Variants in PPFIBP2 observed in about 807,000 individuals in gnomAD.
PPFIBP2 encodes the protein liprin-beta-2.
A neutral mutation model predicts 118.3 loss-of-function variants in PPFIBP2; 118 were observed. That is an observed-to-expected ratio of 1.00 (90% confidence interval 0.86 to 1.16). The LOEUF is 1.16. PPFIBP2 is among the 50% of genes most tolerant of loss of function. The pLI is 0.00. For synonymous variants in PPFIBP2, 414 were observed against 397.4 expected, an observed-to-expected ratio of 1.04 and a Z score of -0.50; for missense variants, 1,195 against 1,073.1, an observed-to-expected ratio of 1.11 and a Z score of -1.59.
chr11:7,542,311 G>C (rs1851873891), intron 1 of PPFIBP2, among the ~76,000 whole-genome samples: 1 of 152,182 alleles, frequency 6.6e-6, no homozygotes, highest in Admixed American at 6.5e-5. Context: ...CCAATATATG[G>C]TAACTAAAGA....
rs1848667701 is a variant in PPFIBP2, at chr11:7,616,507, TGGTAGACCA to T, written c.619-4423_619-4415del. Among the ~76,000 whole-genome samples, 1 of 152,200 alleles carries T rather than the reference TGGTAGACCA, an allele frequency of 6.6e-6. No individual in the cohort carries two copies. The highest frequency in any genetic ancestry group is 2.1e-4 in the South Asian group (1 of 4,828). On this transcript the variant is annotated intron_variant, in intron 6 of 23. Coordinates refer to ENST00000299492, the MANE Select transcript of PPFIBP2 (RefSeq NM_003621.5). The surrounding 1 kb of genome is among the most constrained non-coding windows in gnomAD (Gnocchi z 5.2). ...TCGGTTTGGCCGGGAATGTGTCGTG[TGGTAGACCA>T]GGTAAATCCACATTTCAGTGAAGTG...
chr11:7,643,877 A>G (rs1852586817), intron 17 of PPFIBP2, among the ~76,000 whole-genome samples: 1 of 152,124 alleles, frequency 6.6e-6, no homozygotes, highest in African/African-American at 2.4e-5. Context: ...CAGATTATGG[A>G]TGAACACATT....
the PPFIBP2 span, among the ~76,000 whole-genome samples, chr11:7,663,760 T>C: frequency 1.7e-4 from 26 of 152,316 alleles, no homozygotes; most frequent in Non-Finnish European, 3.1e-4. Flanking sequence ...GCTGCTGCCT[T>C]GCAGTTTGAT....
chr11:7,650,706 G>T (rs987928530), intron 21 of PPFIBP2, 134 bp from the exon 22 acceptor site: 12 of 835,278 alleles, frequency 1.4e-5, no homozygotes, highest in Non-Finnish European at 2.1e-5. Flanking sequence ...CAGATGGGGT[G>T]GGTCACTAAG....
chr11:7,552,758 C>T (rs1301363128), intron 2 of PPFIBP2, among the ~76,000 whole-genome samples: 1 of 152,096 alleles, frequency 6.6e-6, no homozygotes, highest in African/African-American at 2.4e-5. Context: ...GAGCTTGCCC[C>T]CCCCTCTCCT....
Position 7,531,777 on chromosome 11 carries a change from G to T in PPFIBP2, c.-37+17656G>T, listed in dbSNP as rs760367154. Among the ~76,000 whole-genome samples, 8 of 152,232 alleles carry T rather than the reference G, an allele frequency of 5.3e-5. No individual in the cohort carries two copies. In the East Asian group the frequency reaches 1.5e-3, roughly 29 times the overall value. ...TGGAGGCCAGAACTCTAAGATCAGG[G>T]TGTTGGCAGGGTTGGTTTCTTTTGG... On this transcript the variant is annotated intron_variant, in intron 1 of 23. Coordinates refer to ENST00000299492, the MANE Select transcript of PPFIBP2 (RefSeq NM_003621.5).
At chr11:7,546,611 A>G (rs934428800) in intron 1 of PPFIBP2, among the ~76,000 whole-genome samples, 2 of 152,192 alleles carry the variant, frequency 1.3e-5, no homozygotes, top group Non-Finnish European at 2.9e-5. Flanking sequence ...GGCTCCTCTC[A>G]TGCATTGCCC....
At chr11:7,606,271 A>G (rs949650034) in intron 5 of PPFIBP2, among the ~76,000 whole-genome samples, 2 of 152,236 alleles carry the variant, frequency 1.3e-5, no homozygotes, top group Non-Finnish European at 2.9e-5. Flanking sequence ...TTGAAAAAAC[A>G]TGATTCACTT....
chr11:7,666,301 T>G, the PPFIBP2 span: 1 of 617,914 alleles, frequency 1.6e-6, no homozygotes, highest in African/African-American at 1.9e-5. Flanking sequence ...CCTCAATTTC[T>G]CACATTTCCC....
intron 2 of PPFIBP2, 70 bp downstream of exon 2, chr11:7,549,609 C>CTTTT (rs386373033): frequency 0.012 from 13,664 of 1,138,204 alleles, 11 homozygotes; most frequent in African/African-American, 0.014. Flanking sequence ...TCTCCTTTTA[C>CTTTT]TTTTTTTTTT....
chr11:7,656,772 G>A, downstream of PPFIBP2: 1 of 1,289,834 alleles, frequency 7.8e-7, no homozygotes. Flanking sequence ...TCGCCTGCCT[G>A]CCCCCAACTC....
intron 1 of PPFIBP2, among the ~76,000 whole-genome samples, chr11:7,525,904 A>T (rs1850188317): frequency 6.6e-6 from 1 of 152,168 alleles, no homozygotes; most frequent in Non-Finnish European, 1.5e-5. Flanking sequence ...AGTCAGGAAG[A>T]TATAGGGGAA....
chr11:7,634,496 G>C lies in PPFIBP2; in HGVS notation c.1138G>C (p.Ala380Pro), dbSNP rs1439686672. ...PLPQKSLETR[A>P]QKKLSCSLED... ...TTCTTTCTTTTGTGTTTTTTTCAGG[G>C]CTCAGAAAAAGCTCTCTTGTAGTCT... is the stretch of plus-strand genomic sequence containing the variant. The change falls in exon 13 of 24, where the codon GCT (alanine) becomes CCT (proline). Residue 380 changes from alanine (A) to proline (P), a missense_variant and splice_region_variant. By Grantham distance (27) the Ala-to-Pro change is conservative (BLOSUM62 -1). Transcript: ENST00000299492. 6.2e-7 allele frequency: 1 copy of C among 1,610,936 alleles called. No individual in the cohort carries two copies. The highest frequency in any genetic ancestry group is 1.7e-4 in the Middle Eastern group (1 of 6,058).
At chr11:7,655,521 A>G (rs972536556), downstream of PPFIBP2, 2 of 1,287,280 alleles carry the variant, frequency 1.6e-6, no homozygotes, top group African/African-American at 3.0e-5. Context: ...CCCTCTCCCC[A>G]CAGTCAGACT....
the PPFIBP2 span, among the ~76,000 whole-genome samples, chr11:7,662,189 TATG>T: frequency 6.6e-6 from 1 of 151,828 alleles, no homozygotes; most frequent in South Asian, 2.1e-4. Flanking sequence ...ATCCTGTCAT[TATG>T]ATGTTAGCTG....
chr11:7,562,398 C>A (rs947165382), intron 2 of PPFIBP2, among the ~76,000 whole-genome samples: 1 of 152,160 alleles, frequency 6.6e-6, no homozygotes, highest in African/African-American at 2.4e-5. Context: ...CAGCAGCCTT[C>A]CCCCAGAGTG....
At chr11:7,641,084 G>T (rs1182158073) in intron 15 of PPFIBP2, 1 of 1,263,660 alleles carries the variant, frequency 7.9e-7, no homozygotes, top group Admixed American at 2.3e-5. Flanking sequence ...CCCATTCCAG[G>T]TGAGGTGGAG....
intron 11 of PPFIBP2, 94 bp downstream of exon 11, chr11:7,631,122 C>A: frequency 1.1e-6 from 1 of 898,850 alleles, no homozygotes; most frequent in Non-Finnish European, 1.8e-6. Context: ...GTGTCAGGTG[C>A]ACATCTTGGC....
intron 10 of PPFIBP2, among the ~76,000 whole-genome samples, chr11:7,630,323 T>C (rs1234706876): frequency 6.6e-6 from 1 of 152,164 alleles, no homozygotes; most frequent in Non-Finnish European, 1.5e-5. Context: ...CTTTTTTTTC[T>C]CTTTTTGAGA....
Sources: gnomAD v4.1 joint callset for allele counts (sites outside exome capture counted in the v4.1 genomes callset) on GRCh38, gnomAD v4.1.1 for gene constraint, Gnocchi (gnomAD v3.1) non-coding constraint, MANE v1.5 for transcripts, NCBI Gene and HGNC (gene_info 2026-07-23, HGNC 2026-07-21) for gene names.